The following GIGYF2 variants were observed in gnomAD, a reference collection of about 807,000 sequenced individuals.
The protein encoded by GIGYF2 is GRB10-interacting GYF protein 2.
A neutral mutation model predicts 208.1 loss-of-function variants in GIGYF2; 25 were observed. The ratio of observed to expected loss-of-function variants is 0.12; its 90% CI spans 0.09 to 0.17. The LOEUF is 0.17. GIGYF2 is among the 10% of genes least tolerant of loss of function. The pLI is 1.00. For synonymous variants in GIGYF2, 534 were observed against 543.8 expected (o/e 0.98, Z 0.25); for missense variants, 1,302 against 1,579.4 (o/e 0.82, Z 2.98).
intron 14 of GIGYF2, among the ~76,000 whole-genome samples, chr2:232,802,130 T>G (rs946408005): frequency 4.6e-5 from 7 of 152,066 alleles, no homozygotes; most frequent in Non-Finnish European, 8.8e-5. Context: ...CCTGCCACTT[T>G]GCTGAATTTA....
At chr2:232,715,820 C>CTTT (rs75526495) in intron 2 of GIGYF2, among the ~76,000 whole-genome samples, 38,421 of 143,762 alleles carry the variant, frequency 0.27, 5,409 homozygotes, top group South Asian at 0.57. Flanking sequence ...GAAGAATTTC[C>CTTT]TTTTTTTTTT....
intron 2 of GIGYF2, among the ~76,000 whole-genome samples, chr2:232,731,458 A>G (rs1459434965): frequency 3.9e-5 from 6 of 152,196 alleles, no homozygotes; most frequent in Admixed American, 3.9e-4. Flanking sequence ...ATTTGGCTAG[A>G]TGGGGCTTAA....
rs1690641286 is a variant in GIGYF2 at position 232,858,121 on chromosome 2, T to C, written c.*1261T>C. ...AGCCCTATTTATAAACAAATACTTT[T>C]CCTGCCTCCACCAAACCCCTACAGA... On this transcript the variant is annotated 3_prime_UTR_variant, in exon 29 of 29. Transcript: ENST00000373563. The C allele has an allele frequency of 1.0e-5, 2 of 199,742 alleles. No homozygotes were observed. Among genetic ancestry groups the C allele is most frequent in the Non-Finnish European group, 2.0e-5 (2 of 99,072 alleles). 12.4% of individuals were successfully genotyped at this position (199,742 alleles called of 1,614,324 possible).
chr2:232,716,380 T>G (rs964775605), intron 2 of GIGYF2, among the ~76,000 whole-genome samples: 2 of 142,728 alleles, frequency 1.4e-5, no homozygotes, highest in East Asian at 2.0e-4. Context: ...ATTTGTTTTT[T>G]TTTTTTTTTT....
At chr2:232,845,642 G>C in intron 25 of GIGYF2, 90 bp from the exon 26 acceptor site, 2 of 1,137,742 alleles carry the variant, frequency 1.8e-6, no homozygotes, top group South Asian at 2.5e-5. Context: ...CATCCATCCA[G>C]TATTGCCAAG....
intron 2 of GIGYF2, among the ~76,000 whole-genome samples, chr2:232,723,725 GC>G (rs779789723): frequency 5.5e-5 from 6 of 109,472 alleles, no homozygotes; most frequent in East Asian, 6.4e-4. Context: ...ACTGTGCCCG[GC>G]CTTTTTTTTT....
chr2:232,765,346 G>A (rs1015713768), intron 8 of GIGYF2: 4 of 152,268 alleles, frequency 2.6e-5, no homozygotes, highest in Non-Finnish European at 4.4e-5. Context: ...GATATCCTAC[G>A]ACATCACATT....
At chr2:232,699,582 G>A (rs1395992721) in intron 1 of GIGYF2, among the ~76,000 whole-genome samples, 1 of 152,146 alleles carries the variant, frequency 6.6e-6, no homozygotes, top group Non-Finnish European at 1.5e-5. Flanking sequence ...AAAAGTAAAC[G>A]TTTTAAAATG....
chr2:232,781,932 C>T (rs1699734897), intron 8 of GIGYF2, among the ~76,000 whole-genome samples: 1 of 152,174 alleles, frequency 6.6e-6, no homozygotes, highest in African/African-American at 2.4e-5. Flanking sequence ...CTTGCAGAAG[C>T]AAGAGAGTTA....
chr2:232,752,805 G>T (rs1411415119), intron 5 of GIGYF2, among the ~76,000 whole-genome samples: 1 of 152,084 alleles, frequency 6.6e-6, no homozygotes, highest in Non-Finnish European at 1.5e-5. Context: ...CTCCCAAAGT[G>T]CTGGGATTAC....
intron 3 of GIGYF2, among the ~76,000 whole-genome samples, chr2:232,744,639 C>T (rs1174769886): frequency 4.0e-5 from 6 of 151,586 alleles, no homozygotes; most frequent in Admixed American, 3.9e-4. Flanking sequence ...TCGAGCAGTC[C>T]TCCCACCTCA....
chr2:232,723,202 T>A, intron 2 of GIGYF2, among the ~76,000 whole-genome samples: 1 of 152,184 alleles, frequency 6.6e-6, no homozygotes, highest in Non-Finnish European at 1.5e-5. Flanking sequence ...TCTACTTTCC[T>A]CTGGTTACAA....
At chr2:232,756,098 A>G (rs1698525443) in intron 5 of GIGYF2, 125 bp from the exon 6 acceptor site, 1 of 630,716 alleles carries the variant, frequency 1.6e-6, no homozygotes, top group Non-Finnish European at 2.8e-6. Flanking sequence ...GCTAGTAGTA[A>G]TTAGATGCCT....
intron 21 of GIGYF2, among the ~76,000 whole-genome samples, chr2:232,830,052 T>C (rs1411951944): frequency 1.3e-5 from 2 of 152,152 alleles, no homozygotes; most frequent in Non-Finnish European, 2.9e-5. Context: ...TGATTATAAC[T>C]CACTACAACC....
rs1385274043 is a variant in GIGYF2 at position 232,727,574 on chromosome 2, T to A, written c.-43-7581T>A. On this transcript the variant is annotated intron_variant, in intron 2 of 28. Transcript: ENST00000373563. The stretch of plus-strand genomic sequence containing the variant: ...GGGTCTATTTTAGTTACAGAGAATG[T>A]GGTGAGAATAGTACCTCAGGGGGAG... Among the ~76,000 whole-genome samples, 3 of 152,148 alleles carry A rather than the reference T, an allele frequency of 2.0e-5. No individual in the cohort carries two copies. The East Asian group carries it at 5.8e-4, about 29-fold the overall frequency.
intron 9 of GIGYF2, among the ~76,000 whole-genome samples, chr2:232,787,840 T>C (rs910458470): frequency 7.2e-5 from 11 of 152,232 alleles, no homozygotes; most frequent in Non-Finnish European, 1.5e-4. Context: ...CTTATGTCCT[T>C]CTAACTTTAG....
intron 2 of GIGYF2, among the ~76,000 whole-genome samples, chr2:232,709,949 A>G (rs1485106811): frequency 2.0e-5 from 3 of 151,650 alleles, no homozygotes; most frequent in African/African-American, 7.3e-5. Flanking sequence ...GATTTTTACA[A>G]AGTTATATAT....
chr2:232,708,294 A>G (rs1411186856), intron 2 of GIGYF2, among the ~76,000 whole-genome samples: 1 of 152,146 alleles, frequency 6.6e-6, no homozygotes, highest in Non-Finnish European at 1.5e-5. Flanking sequence ...CCCATAATGT[A>G]TTATAAGAAC....
chr2:232,744,147 G>C (rs1377267662), intron 3 of GIGYF2, among the ~76,000 whole-genome samples: 1 of 152,118 alleles, frequency 6.6e-6, no homozygotes, highest in East Asian at 1.9e-4. Context: ...CACCTGGCCT[G>C]TGTTACTCTT....
Sources: gnomAD v4.1 joint callset for allele counts (sites outside exome capture counted in the v4.1 genomes callset) on GRCh38, gnomAD v4.1.1 for gene constraint, MANE v1.5 for transcripts, NCBI Gene and HGNC (gene_info 2026-07-23, HGNC 2026-07-21) for gene names.